Variants in TBC1D19 observed in about 807,000 individuals in gnomAD.
TBC1D19 encodes TBC1 domain family, member 19.
In TBC1D19, 60 loss-of-function variants were observed where a neutral mutation model predicts 89.0. The observed-to-expected ratio is 0.67, with a 90% CI of 0.55 to 0.84. The LOEUF (loss-of-function observed/expected upper bound fraction) is 0.84. TBC1D19 is among the 40% of genes least tolerant of loss of function. The pLI, the probability that TBC1D19 is intolerant of heterozygous loss-of-function variation, is 0.00. For missense variants in TBC1D19, 500 were observed against 610.8 expected (o/e 0.82, Z 1.91); for synonymous variants, 189 against 199.7 (o/e 0.95, Z 0.45).
At chr4:26,688,623 TGGTACATCAAGGA>T (rs996927500) in intron 13 of TBC1D19, among the ~76,000 whole-genome samples, 3 of 150,520 alleles carry the variant, frequency 2.0e-5, no homozygotes, top group Non-Finnish European at 2.9e-5. Context: ...TTGTCATATA[TGGTACATCAAGGA>T]GGTATTATTG....
the TBC1D19 span, among the ~76,000 whole-genome samples, chr4:26,816,829 A>C: frequency 2.0e-5 from 3 of 152,228 alleles, no homozygotes; most frequent in Non-Finnish European, 4.4e-5. Context: ...AGATTAAAGA[A>C]TGGAAAAAAA....
chr4:26,580,457 G>A (rs1479723856), upstream of TBC1D19, among the ~76,000 whole-genome samples: 1 of 152,170 alleles, frequency 6.6e-6, no homozygotes, highest in East Asian at 1.9e-4. Flanking sequence ...GAGGACTCCT[G>A]GAATGTGAAG....
chr4:26,672,600 C>A (rs1712418703), intron 10 of TBC1D19, among the ~76,000 whole-genome samples: 3 of 151,962 alleles, frequency 2.0e-5, no homozygotes, highest in Admixed American at 2.0e-4. Context: ...TTCCCAGTGA[C>A]CATTCACAGT....
At chr4:26,824,797 A>G in the TBC1D19 span, among the ~76,000 whole-genome samples, 1 of 152,178 alleles carries the variant, frequency 6.6e-6, no homozygotes, top group Non-Finnish European at 1.5e-5. Flanking sequence ...ATGCATAGTA[A>G]GTTCTTCATT....
intron 19 of TBC1D19, among the ~76,000 whole-genome samples, chr4:26,752,519 T>G (rs1719026974): frequency 6.6e-6 from 1 of 152,196 alleles, no homozygotes; most frequent in Non-Finnish European, 1.5e-5. Context: ...GCACTGAGAT[T>G]GCAGGCATGA....
intron 1 of TBC1D19, among the ~76,000 whole-genome samples, chr4:26,602,510 C>T (rs904213103): frequency 7.1e-6 from 1 of 140,236 alleles, no homozygotes; most frequent in Non-Finnish European, 1.5e-5. Context: ...GGCACGATCT[C>T]AGCTCACTGC....
chr4:26,700,745 A>C (rs1244749137), intron 13 of TBC1D19, among the ~76,000 whole-genome samples: 2 of 152,168 alleles, frequency 1.3e-5, no homozygotes, highest in Non-Finnish European at 2.9e-5. Context: ...CTAAAGAAAG[A>C]ATAGTTATAT....
chr4:26,584,329 G>A lies in TBC1D19; in HGVS notation c.99+37G>A, dbSNP rs1166682021. 5 of 1,570,366 alleles carry A rather than the reference G, an allele frequency of 3.2e-6. No homozygotes were observed. The Admixed American group carries it at 5.7e-5, about 18-fold the overall frequency. The stretch of plus-strand genomic sequence containing the variant: ...CGAGTGGGAAGGGATGCAGACGGGC[G>A]GGGCCGCGGCGATGTCTCTTCTTCA... On this transcript the variant is annotated intron_variant, in intron 1 of 20. Coordinates refer to ENST00000264866, the MANE Select transcript of TBC1D19 (RefSeq NM_018317.4).
chr4:26,770,147 A>G, the TBC1D19 span, among the ~76,000 whole-genome samples: 1 of 152,158 alleles, frequency 6.6e-6, no homozygotes, highest in Admixed American at 6.5e-5. Flanking sequence ...AAAAATTTCA[A>G]TTAAAAGGCA....
chr4:26,734,460 G>T (rs1240661565), intron 15 of TBC1D19, among the ~76,000 whole-genome samples: 1 of 152,078 alleles, frequency 6.6e-6, no homozygotes, highest in African/African-American at 2.4e-5. Context: ...CTTCTGTTTT[G>T]AACTAAACTG....
intron 14 of TBC1D19, 77 bp from the exon 15 acceptor site, chr4:26,720,004 A>G (rs893834014): frequency 8.2e-7 from 1 of 1,224,568 alleles, no homozygotes; most frequent in Non-Finnish European, 1.1e-6. Flanking sequence ...CGTTGTTAGT[A>G]CATTCACAAA....
intron 7 of TBC1D19, among the ~76,000 whole-genome samples, chr4:26,654,755 G>A (rs1350456981): frequency 6.6e-6 from 1 of 152,096 alleles, no homozygotes; most frequent in Non-Finnish European, 1.5e-5. Context: ...CTCTGCATTG[G>A]TTATTCTAGT....
chr4:26,854,581 A>G, the TBC1D19 span, among the ~76,000 whole-genome samples: 178 of 152,306 alleles, frequency 1.2e-3, 1 homozygote, highest in South Asian at 0.036. Flanking sequence ...GGGATGTTTC[A>G]ATCTTCCTTG....
intron 1 of TBC1D19, among the ~76,000 whole-genome samples, chr4:26,608,823 G>T (rs1042417507): frequency 6.6e-6 from 1 of 151,542 alleles, no homozygotes; most frequent in South Asian, 2.1e-4. Context: ...TCCTTGTTTT[G>T]GGGGGGAGGA....
chr4:26,672,179 G>T lies in TBC1D19; in HGVS notation c.695G>T (p.Gly232Val). ...TTTGAAAATGAACATGTACGTATTG[G>T]GCAAAAAGGTAAGCTTTTAATTATA... ...ELFENEHVRI[G>V]QKVLAEQDSA... The change falls in exon 10 of 21, where the codon GGG (glycine) becomes GTG (valine). Residue 232 changes from glycine to valine, a missense_variant. Gly to Val is a moderately radical substitution (Grantham distance 109). Coordinates refer to ENST00000264866, the MANE Select transcript of TBC1D19 (RefSeq NM_018317.4). The T allele has an allele frequency of 7.7e-7, 1 of 1,305,658 alleles. No homozygotes were observed. The highest frequency in any genetic ancestry group is 1.0e-6 in the Non-Finnish European group (1 of 989,190). 80.9% of individuals were successfully genotyped at this position (1,305,658 alleles called of 1,614,324 possible).
At chr4:26,847,138 T>G in the TBC1D19 span, among the ~76,000 whole-genome samples, 2 of 152,190 alleles carry the variant, frequency 1.3e-5, no homozygotes. Context: ...CACCAAATAG[T>G]AACTGAATGC....
intron 15 of TBC1D19, among the ~76,000 whole-genome samples, chr4:26,732,012 C>T (rs977530161): frequency 4.6e-5 from 7 of 152,066 alleles, no homozygotes; most frequent in Admixed American, 3.9e-4. Context: ...AAAAAATTGA[C>T]TACTTCTTCC....
intron 2 of TBC1D19, among the ~76,000 whole-genome samples, chr4:26,613,619 C>G (rs1050140820): frequency 6.6e-6 from 1 of 152,128 alleles, no homozygotes; most frequent in Non-Finnish European, 1.5e-5. Context: ...AACTATTAGA[C>G]ATTTTAACAA....
chr4:26,653,801 C>T (rs572464956), intron 7 of TBC1D19, among the ~76,000 whole-genome samples: 1 of 152,250 alleles, frequency 6.6e-6, no homozygotes, highest in African/African-American at 2.4e-5. Context: ...GAATACAGCA[C>T]ACTGATGGGT....
Sources: gnomAD v4.1 joint callset for allele counts (sites outside exome capture counted in the v4.1 genomes callset) on GRCh38, gnomAD v4.1.1 for gene constraint, MANE v1.5 for transcripts, NCBI Gene and HGNC (gene_info 2026-07-23, HGNC 2026-07-21) for gene names.